The following COBL variants were observed in gnomAD, a reference collection of about 807,000 sequenced individuals.
COBL encodes cordon-bleu WH2 repeat protein, also known as protein cordon-bleu.
Under a neutral mutation model 98.8 loss-of-function variants are expected in COBL, and 51 were observed. The ratio of observed to expected loss-of-function variants is 0.52; its 90% confidence interval spans 0.41 to 0.65. The LOEUF (loss-of-function observed/expected upper bound fraction) is 0.65. Ranked by LOEUF, COBL falls within the 30% of genes least tolerant of loss-of-function variation. COBL has a pLI of 0.00. For missense variants in COBL, 1,617 were observed against 1,617.5 expected (o/e 1.00, Z 0.01); for synonymous variants, 634 against 651.7 (o/e 0.97, Z 0.41).
intron 1 of COBL, among the ~76,000 whole-genome samples, chr7:51,237,748 A>G (rs1795406376): frequency 1.3e-5 from 2 of 152,220 alleles, no homozygotes; most frequent in Non-Finnish European, 2.9e-5. Context: ...CTATTTCAGA[A>G]ACAGGAACGT....
chr7:51,047,278 C>A (rs1789805643), intron 7 of COBL, among the ~76,000 whole-genome samples: 1 of 152,182 alleles, frequency 6.6e-6, no homozygotes, highest in South Asian at 2.1e-4. Flanking sequence ...AGCCACAGAG[C>A]CTGAGTAAGG....
At chr7:51,087,666 G>T (rs1016383922) in intron 6 of COBL, among the ~76,000 whole-genome samples, 2 of 151,534 alleles carry the variant, frequency 1.3e-5, no homozygotes, top group Non-Finnish European at 2.9e-5. Context: ...TGGAGATGGG[G>T]TTTTGCCATG....
At chr7:51,156,407 G>C (rs1786137918) in intron 5 of COBL, 1 of 985,162 alleles carries the variant, frequency 1.0e-6, no homozygotes, top group Non-Finnish European at 1.2e-6. Context: ...TCACCGAAGT[G>C]TCTCTTCTGA....
At chr7:51,170,506 GATAT>G (rs3047166) in intron 5 of COBL, among the ~76,000 whole-genome samples, 5 of 132,070 alleles carry the variant, frequency 3.8e-5, no homozygotes, top group Non-Finnish European at 6.4e-5. Context: ...CTGACACTGT[GATAT>G]ATATATATAT....
At chr7:51,061,428 AG>A (rs1791347082) in intron 7 of COBL, among the ~76,000 whole-genome samples, 1 of 152,126 alleles carries the variant, frequency 6.6e-6, no homozygotes, top group African/African-American at 2.4e-5. Flanking sequence ...CTCTTCTGGA[AG>A]GGATGAGTGC....
intron 7 of COBL, 26 bp from the exon 8 acceptor site, chr7:51,043,718 T>C (rs773335100): frequency 3.8e-6 from 6 of 1,599,410 alleles, no homozygotes; most frequent in Non-Finnish European, 5.1e-6. Flanking sequence ...CAAGGACAGG[T>C]CAGCCCAAAC....
At chr7:51,214,530 T>A (rs1277493048) in intron 2 of COBL, among the ~76,000 whole-genome samples, 2 of 152,068 alleles carry the variant, frequency 1.3e-5, no homozygotes, top group South Asian at 4.1e-4. Context: ...TTAATTCTGA[T>A]CTCCTCATTT....
chr7:51,041,237 C>T (rs1789161611), intron 8 of COBL, among the ~76,000 whole-genome samples: 1 of 152,028 alleles, frequency 6.6e-6, no homozygotes, highest in Admixed American at 6.6e-5. Flanking sequence ...AATTGAAGAG[C>T]TATACTTTAA....
intron 7 of COBL, among the ~76,000 whole-genome samples, chr7:51,084,010 C>T (rs1056985108): frequency 1.2e-4 from 19 of 152,106 alleles, no homozygotes; most frequent in South Asian, 6.2e-4. Context: ...GGGCTCTTCA[C>T]GAAACAGGAG....
At chr7:51,202,052 G>A (rs770376535) in intron 2 of COBL, among the ~76,000 whole-genome samples, 5 of 152,078 alleles carry the variant, frequency 3.3e-5, no homozygotes, top group Admixed American at 2.0e-4. Context: ...TTATCAGATC[G>A]CTTGTCATGG....
intron 4 of COBL, among the ~76,000 whole-genome samples, chr7:51,186,801 A>T (rs1789565748): frequency 1.3e-5 from 2 of 152,198 alleles, no homozygotes; most frequent in Admixed American, 6.5e-5. Context: ...GGCTTGGCAG[A>T]CACTGAAGAA....
intron 1 of COBL, among the ~76,000 whole-genome samples, chr7:51,295,242 C>T (rs1801313775): frequency 6.6e-6 from 1 of 150,384 alleles, no homozygotes; most frequent in Non-Finnish European, 1.5e-5. Flanking sequence ...GCTGATATCG[C>T]ACCACTGCAC....
chr7:51,247,523 T>G (rs1796359213), intron 1 of COBL, among the ~76,000 whole-genome samples: 1 of 152,210 alleles, frequency 6.6e-6, no homozygotes, highest in South Asian at 2.1e-4. Context: ...TATTTTTCTT[T>G]TGAAGAAAGT....
At position 51,024,239 on chromosome 7, in the gene COBL, G is replaced by A. The variant is rs933064058; in HGVS notation, c.3768+870C>T. 2.0e-5 allele frequency among the ~76,000 whole-genome samples: 3 copies of A among 152,198 alleles called. 1 individual carries two copies. Among genetic ancestry groups the A allele is most frequent in the Middle Eastern group, 6.8e-3 (2 of 294 alleles). On this transcript the variant is annotated intron_variant, in intron 12 of 12. Coordinates refer to ENST00000265136, the MANE Select transcript of COBL (RefSeq NM_015198.5). ...CAGGAGAATGGCATGAACCCGGGAG[G>A]CGGAGCTTGCAGTGAGCCGAGATCG...
chr7:51,048,665 T>C (rs1299871181), intron 7 of COBL, among the ~76,000 whole-genome samples: 1 of 152,154 alleles, frequency 6.6e-6, no homozygotes, highest in Non-Finnish European at 1.5e-5. Context: ...CCTCTTTGTA[T>C]AGAATATGTA....
At position 51,028,069 on chromosome 7, in the gene COBL, T is replaced by G. The variant is rs370605120; in HGVS notation, c.3027A>C (p.Ala1009=). Residue 1009 remains alanine (A), a synonymous_variant, in exon 10 of 13, where the codon GCA becomes GCC. Transcript: ENST00000265136. ...CATCAGGTGCGCGTCTGGGCTCAGA[T>G]GCTGAGCTGGCCTCCTGGCTACTTG... ...QSTSSQEASS[A]SEPRRAPDGT... is the part of the protein sequence containing the mutation. 3 of 1,613,276 alleles carry G rather than the reference T, an allele frequency of 1.9e-6. No individual in the cohort carries two copies. The highest frequency in any genetic ancestry group is 1.7e-6 in the Non-Finnish European group (2 of 1,179,538).
intron 1 of COBL, among the ~76,000 whole-genome samples, chr7:51,269,009 G>T (rs897069304): frequency 5.9e-5 from 9 of 151,808 alleles, no homozygotes; most frequent in Admixed American, 5.2e-4. Flanking sequence ...CAGCCCTTCA[G>T]CAGGGAGTGC....
intron 1 of COBL, among the ~76,000 whole-genome samples, chr7:51,222,718 G>GAAAA (rs983008135): frequency 6.8e-6 from 1 of 146,556 alleles, no homozygotes; most frequent in Non-Finnish European, 1.5e-5. Context: ...GTTTTCAGGG[G>GAAAA]AAAAAAAAAA....
intron 7 of COBL, among the ~76,000 whole-genome samples, chr7:51,062,396 C>T (rs1285740057): frequency 8.1e-6 from 1 of 123,888 alleles, no homozygotes; most frequent in East Asian, 2.1e-4. Flanking sequence ...TCTGGGTCAG[C>T]CCCTGAGTCA....
Sources: gnomAD v4.1 joint callset for allele counts (sites outside exome capture counted in the v4.1 genomes callset) on GRCh38, gnomAD v4.1.1 for gene constraint, MANE v1.5 for transcripts, NCBI Gene and HGNC (gene_info 2026-07-23, HGNC 2026-07-21) for gene names.